The following WNT9B variants were observed in gnomAD, a reference collection of about 807,000 sequenced individuals.
WNT9B encodes Wnt family member 9B.
A neutral mutation model predicts 30.2 loss-of-function variants in WNT9B; 12 were observed. That is an observed-to-expected ratio of 0.40 (90% CI 0.26 to 0.64). The LOEUF is 0.64. Among genes scored for constraint, WNT9B ranks in the 30% least tolerant of loss-of-function variants. The probability of loss-of-function intolerance (pLI) is 0.42; values close to 1 mark genes in which losing one functional copy is unlikely to be tolerated. For missense variants in WNT9B, 442 were observed against 485.2 expected, an observed-to-expected ratio of 0.91 and a Z score of 0.84; for synonymous variants, 218 against 216.9, an observed-to-expected ratio of 1.01 and a Z score of -0.05.
At chr17:46,853,395 G>T in intron 1 of WNT9B, among the ~76,000 whole-genome samples, 2 of 109,624 alleles carry the variant, frequency 1.8e-5, no homozygotes, top group African/African-American at 3.8e-5. Context: ...TTTTTAAGAC[G>T]GAGTCTCCCT....
At chr17:46,833,486 A>G (rs1344447404) in intron 1 of WNT9B, 2 of 475,192 alleles carry the variant, frequency 4.2e-6, no homozygotes, top group South Asian at 3.0e-5. Flanking sequence ...CCGACTCCCC[A>G]TCTGGTCACC....
exon 5 of WNT9B, chr17:46,886,540 T>C (rs1406609272): frequency 6.6e-6 from 1 of 152,182 alleles, no homozygotes; most frequent in African/African-American, 2.4e-5. Context: ...CAGCTGAGCA[T>C]CTGTCAATGT....
intron 1 of WNT9B, among the ~76,000 whole-genome samples, chr17:46,843,285 A>T (rs2084737231): frequency 6.6e-6 from 1 of 152,268 alleles, no homozygotes; most frequent in African/African-American, 2.4e-5. Flanking sequence ...TCTCACTCCA[A>T]AGTAGAACTT....
chr17:46,860,404 C>T (rs960093659), intron 1 of WNT9B, among the ~76,000 whole-genome samples: 1 of 152,132 alleles, frequency 6.6e-6, no homozygotes, highest in Non-Finnish European at 1.5e-5. Context: ...TGAGCAGGAT[C>T]GGACATGGCC....
intron 1 of WNT9B, among the ~76,000 whole-genome samples, chr17:46,865,482 T>A (rs889459037): frequency 3.3e-5 from 5 of 151,900 alleles, no homozygotes; most frequent in African/African-American, 9.7e-5. Context: ...TCAGGGTGGG[T>A]TCATGGGGAT....
At chr17:46,849,614 A>G (rs909034271), upstream of WNT9B, among the ~76,000 whole-genome samples, 33 of 152,220 alleles carry the variant, frequency 2.2e-4, no homozygotes, top group African/African-American at 7.7e-4. Flanking sequence ...GCTGGCCTGC[A>G]GGGCTAGCTG....
chr17:46,835,878 C>G (rs2084622545), intron 1 of WNT9B, among the ~76,000 whole-genome samples: 1 of 152,240 alleles, frequency 6.6e-6, no homozygotes, highest in Non-Finnish European at 1.5e-5. Context: ...GCTACCTTCA[C>G]TAAAGAAGAG....
At chr17:46,883,944 A>G (rs528226596), downstream of WNT9B, among the ~76,000 whole-genome samples, 307 of 152,084 alleles carry the variant, frequency 2.0e-3, no homozygotes, top group African/African-American at 6.9e-3. Context: ...TCTTGGGCCC[A>G]TTAGTGTGTT....
downstream of WNT9B, chr17:46,885,010 C>T (rs548925839): frequency 2.4e-4 from 103 of 434,214 alleles, 1 homozygote; most frequent in African/African-American, 2.0e-3. Flanking sequence ...TTTTTTTAGA[C>T]GAAGTCTTGT....
At chr17:46,862,997 G>C (rs1172018082) in intron 1 of WNT9B, among the ~76,000 whole-genome samples, 1 of 152,220 alleles carries the variant, frequency 6.6e-6, no homozygotes, top group African/African-American at 2.4e-5. Flanking sequence ...CAGAGGGAAC[G>C]GGCCTGGCTC....
In WNT9B at chr17:46,877,838, G is replaced by A. The variant is rs915255617; in HGVS notation, c.*1120G>A. Among the ~76,000 whole-genome samples the A allele has an allele frequency of 1.3e-5, 2 of 152,198 alleles. No individual in the cohort carries two copies. The highest frequency in any genetic ancestry group is 2.9e-5 in the Non-Finnish European group (2 of 68,030). On this transcript the variant is annotated 3_prime_UTR_variant, in exon 4 of 4. Transcript: ENST00000290015. ...GGCTTTTGCCCTGGCTGGGGTTATAGGTGCTTGAGTCCTTGCTAAGCCTGG... is the reference window on the plus strand; with the variant it reads ...GGCTTTTGCCCTGGCTGGGGTTATAAGTGCTTGAGTCCTTGCTAAGCCTGG...
At chr17:46,843,035 A>G (rs534615305) in intron 1 of WNT9B, among the ~76,000 whole-genome samples, 1 of 152,134 alleles carries the variant, frequency 6.6e-6, no homozygotes, top group Non-Finnish European at 1.5e-5. Context: ...GTTGCTAGTG[A>G]CTCCTATTGG....
chr17:46,855,281 T>G (rs1295793702), intron 1 of WNT9B, among the ~76,000 whole-genome samples: 1 of 152,240 alleles, frequency 6.6e-6, no homozygotes, highest in Non-Finnish European at 1.5e-5. Context: ...TTAGACTCTC[T>G]TGGCTGTAGT....
In WNT9B at chr17:46,878,550, GA is replaced by G. The variant is rs2085380820; in HGVS notation, c.*1837del. Reference sequence around the variant, plus strand: ...CCTGGCCCACACCTTGGCAGCAGGAGAAAAATGGGGAGAGGGCTGGTTTTCT... The same window carrying G: ...CCTGGCCCACACCTTGGCAGCAGGAGAAAATGGGGAGAGGGCTGGTTTTCT... On this transcript the variant is annotated 3_prime_UTR_variant, in exon 4 of 4. Transcript: ENST00000290015. 6.6e-6 allele frequency among the ~76,000 whole-genome samples: 1 copy of G among 152,200 alleles called. No homozygotes were observed. Among genetic ancestry groups the G allele is most frequent in the Admixed American group, 6.5e-5 (1 of 15,272 alleles).
At chr17:46,865,113 G>A (rs1212663746) in intron 1 of WNT9B, among the ~76,000 whole-genome samples, 1 of 152,208 alleles carries the variant, frequency 6.6e-6, no homozygotes, top group Non-Finnish European at 1.5e-5. Flanking sequence ...AGGGACAAAG[G>A]CTTCCTCTCC....
downstream of WNT9B, among the ~76,000 whole-genome samples, chr17:46,884,287 G>A (rs1334708097): frequency 6.6e-6 from 1 of 152,172 alleles, no homozygotes; most frequent in East Asian, 1.9e-4. Flanking sequence ...CTGCTTGTTG[G>A]CAACATGTCA....
chr17:46,857,293 A>C (rs953415805), intron 1 of WNT9B, among the ~76,000 whole-genome samples: 1 of 151,894 alleles, frequency 6.6e-6, no homozygotes, highest in African/African-American at 2.4e-5. Flanking sequence ...ACATGGTGAA[A>C]ACCCATCTCT....
intron 2 of WNT9B, among the ~76,000 whole-genome samples, chr17:46,874,363 A>T (rs987268906): frequency 3.9e-5 from 6 of 152,114 alleles, no homozygotes; most frequent in Admixed American, 1.3e-4. Flanking sequence ...GGGCCTCAGA[A>T]ATGGGCCCAT....
At position 46,879,617 on chromosome 17, in the gene WNT9B, G is replaced by C. The variant is rs1474048372; in HGVS notation, c.*2899G>C. Among the ~76,000 whole-genome samples, 1 of 152,204 alleles carries C rather than the reference G, an allele frequency of 6.6e-6. No homozygotes were observed. Among genetic ancestry groups the C allele is most frequent in the Non-Finnish European group, 1.5e-5 (1 of 68,046 alleles). On this transcript the variant is annotated 3_prime_UTR_variant, in exon 4 of 4. Transcript: ENST00000290015. ...ATTACTGTGGCCATTTTATAGATGAGGTCCAGAGATGGAGAGCTGTGCTCA... is the reference window on the plus strand; with the variant it reads ...ATTACTGTGGCCATTTTATAGATGACGTCCAGAGATGGAGAGCTGTGCTCA...
Sources: allele counts gnomAD v4.1 joint callset (sites outside exome capture counted in the v4.1 genomes callset), GRCh38; gene constraint gnomAD v4.1.1; transcripts MANE v1.5; gene names NCBI Gene and HGNC (gene_info 2026-07-23, HGNC 2026-07-21).